LRFN5: variants seen among roughly 807,000 people sequenced by gnomAD.
The protein encoded by LRFN5 is leucine-rich repeat and fibronectin type-III domain-containing protein 5.
In LRFN5, 24 loss-of-function variants were observed where a neutral mutation model predicts 45.6. The ratio of observed to expected loss-of-function variants is 0.53; its 90% CI spans 0.38 to 0.74. LRFN5 has a LOEUF of 0.74. Among genes scored for constraint, LRFN5 ranks in the 30% least tolerant of loss-of-function variants. The pLI, the probability that LRFN5 is intolerant of heterozygous loss-of-function variation, is 0.00. For missense variants in LRFN5, 776 were observed against 861.5 expected (o/e 0.90, Z 1.24); for synonymous variants, 340 against 313.8 (o/e 1.08, Z -0.88).
At chr14:41,714,048 G>T (rs987356213) in intron 1 of LRFN5, among the ~76,000 whole-genome samples, 18 of 152,048 alleles carry the variant, frequency 1.2e-4, no homozygotes, top group African/African-American at 4.3e-4. Context: ...ATAACTACAT[G>T]CATAAATATG....
At chr14:41,683,731 A>G (rs1882002925) in intron 1 of LRFN5, among the ~76,000 whole-genome samples, 1 of 152,208 alleles carries the variant, frequency 6.6e-6, no homozygotes, top group African/African-American at 2.4e-5. Flanking sequence ...TTAGGAGTAA[A>G]CTTAACCAGA....
rs879182808 is a variant in LRFN5, at chr14:41,904,103, TTC to T, written c.2143-53_2143-52del. ...ACAATGATCTTATTAGCTATGTGTT[TTC>T]TTTCTTTCTTCCTTTCTTTCTTTTT... On this transcript the variant is annotated intron_variant, in intron 5 of 5. Coordinates refer to ENST00000298119, the MANE Select transcript of LRFN5 (RefSeq NM_152447.5). 5 of 1,431,174 alleles carry T rather than the reference TTC, an allele frequency of 3.5e-6. No individual in the cohort carries two copies. The South Asian group carries it at 4.8e-5, about 14-fold the overall frequency. The allele number at this position is 1,431,174 out of a possible 1,614,324, so 88.7% of individuals were successfully genotyped here.
At chr14:41,853,779 G>A (rs1889356315) in intron 2 of LRFN5, among the ~76,000 whole-genome samples, 1 of 152,100 alleles carries the variant, frequency 6.6e-6, no homozygotes, top group South Asian at 2.1e-4. Context: ...AAGAGGAATA[G>A]AAGCTGGAAG....
At chr14:41,700,673 G>A (rs1882806563) in intron 1 of LRFN5, 1 of 152,006 alleles carries the variant, frequency 6.6e-6, no homozygotes, top group South Asian at 2.1e-4. Flanking sequence ...TCCTAGCTTT[G>A]AGGATTTGAA....
chr14:41,787,365 CCTGTGCTGTAAT>C (rs1458199490), intron 2 of LRFN5, among the ~76,000 whole-genome samples: 1 of 152,102 alleles, frequency 6.6e-6, no homozygotes, highest in African/African-American at 2.4e-5. Context: ...GTCACTCTTT[CCTGTGCTGTAAT>C]AAAACCTGGA....
At chr14:41,815,629 T>G (rs2139000982) in intron 2 of LRFN5, among the ~76,000 whole-genome samples, 1 of 152,168 alleles carries the variant, frequency 6.6e-6, no homozygotes, top group African/African-American at 2.4e-5. Flanking sequence ...CCCCAGCTAC[T>G]CTGGAGGCTG....
intron 1 of LRFN5, among the ~76,000 whole-genome samples, chr14:41,740,389 C>A (rs1416568913): frequency 6.6e-6 from 1 of 151,730 alleles, no homozygotes; most frequent in Non-Finnish European, 1.5e-5. Flanking sequence ...GCTCAATGCA[C>A]ATAAATCAAT....
rs149125583 is a variant in LRFN5, at chr14:41,795,783, G to A, written c.-21+28754G>A. ...ACACACCAGGGCCTGTCGTAGGTTGGGGGGAGGGGGGAGGAATAGCATTAG... is the reference window on the plus strand; with the variant it reads ...ACACACCAGGGCCTGTCGTAGGTTGAGGGGAGGGGGGAGGAATAGCATTAG... On this transcript the variant is annotated intron_variant, in intron 2 of 5. Transcript: ENST00000298119. Among the ~76,000 whole-genome samples the A allele has an allele frequency of 5.3e-3, 807 of 151,992 alleles. 3 individuals are homozygous for A. The highest frequency in any genetic ancestry group is 8.5e-3 in the Non-Finnish European group (578 of 67,966).
At chr14:41,629,267 T>C (rs1182962886) in intron 1 of LRFN5, among the ~76,000 whole-genome samples, 1 of 152,226 alleles carries the variant, frequency 6.6e-6, no homozygotes, top group Non-Finnish European at 1.5e-5. Context: ...TTGTTTCTTG[T>C]ATTGCGCCAT....
chr14:41,638,342 G>A (rs1329584573), intron 1 of LRFN5, among the ~76,000 whole-genome samples: 1 of 152,046 alleles, frequency 6.6e-6, no homozygotes, highest in East Asian at 1.9e-4. Flanking sequence ...TTAGAATACA[G>A]TGGAAGCATC....
At chr14:41,901,992 C>T (rs1209203642) in intron 5 of LRFN5, among the ~76,000 whole-genome samples, 1 of 151,890 alleles carries the variant, frequency 6.6e-6, no homozygotes, top group Non-Finnish European at 1.5e-5. Context: ...AAAGGAGAGC[C>T]TTTGGGTCAG....
intron 1 of LRFN5, among the ~76,000 whole-genome samples, chr14:41,755,002 C>G (rs1427752386): frequency 6.6e-6 from 1 of 152,124 alleles, no homozygotes; most frequent in East Asian, 1.9e-4. Flanking sequence ...ATCTTTATTT[C>G]TGCCTTCATT....
At chr14:41,679,456 C>T (rs925196753) in intron 1 of LRFN5, among the ~76,000 whole-genome samples, 2 of 152,010 alleles carry the variant, frequency 1.3e-5, no homozygotes, top group African/African-American at 4.8e-5. Context: ...GTCCTGAGAC[C>T]CCTATTCCAG....
chr14:41,738,211 C>T (rs376960324), intron 1 of LRFN5, among the ~76,000 whole-genome samples: 22 of 152,194 alleles, frequency 1.4e-4, no homozygotes, highest in Admixed American at 4.6e-4. Flanking sequence ...AACCGTCTGA[C>T]CTTTGACAAA....
chr14:41,744,764 A>G (rs1271879827), intron 1 of LRFN5, among the ~76,000 whole-genome samples: 1 of 152,204 alleles, frequency 6.6e-6, no homozygotes, highest in Non-Finnish European at 1.5e-5. Context: ...CAGATGAAAT[A>G]AACTTTAAAT....
At chr14:41,894,659 A>G (rs1890882937) in intron 4 of LRFN5, 1 of 985,142 alleles carries the variant, frequency 1.0e-6, no homozygotes. Context: ...GTAAGTCTAC[A>G]GAAAAGGTGG....
chr14:41,828,962 T>C (rs1594445859), intron 2 of LRFN5, among the ~76,000 whole-genome samples: 1 of 152,088 alleles, frequency 6.6e-6, no homozygotes, highest in Non-Finnish European at 1.5e-5. Context: ...ACACATAATG[T>C]CTTTTCTTAT....
intron 1 of LRFN5, among the ~76,000 whole-genome samples, chr14:41,754,136 C>T (rs1244887820): frequency 6.6e-6 from 1 of 152,064 alleles, no homozygotes; most frequent in African/African-American, 2.4e-5. Context: ...GGTGGATAAG[C>T]TTTTTGATGT....
In LRFN5 at chr14:41,776,097, G is replaced by A. The variant is rs1004888014; in HGVS notation, c.-21+9068G>A. Among the ~76,000 whole-genome samples, 3 of 152,112 alleles carry A rather than the reference G, an allele frequency of 2.0e-5. 1 individual carries two copies. The highest frequency in any genetic ancestry group is 7.2e-5 in the African/African-American group (3 of 41,422). The stretch of plus-strand genomic sequence containing the variant: ...ATTGGAATCGCTTCTTGGATTTGTG[G>A]TTCTATATTTATCATAACATACATG... On this transcript the variant is annotated intron_variant, in intron 2 of 5. Transcript: ENST00000298119.
Sources: gnomAD v4.1 joint callset for allele counts (sites outside exome capture counted in the v4.1 genomes callset) on GRCh38, gnomAD v4.1.1 for gene constraint, MANE v1.5 for transcripts, NCBI Gene and HGNC (gene_info 2026-07-23, HGNC 2026-07-21) for gene names.